Variants in R3HDM2 observed in about 807,000 individuals in gnomAD.
R3HDM2 encodes R3H domain containing 2.
Under a neutral mutation model 124.5 loss-of-function variants are expected in R3HDM2, and 38 were observed. The observed-to-expected ratio is 0.31, with a 90% CI of 0.24 to 0.40. The LOEUF (loss-of-function observed/expected upper bound fraction) is 0.40. Among genes scored for constraint, R3HDM2 ranks in the 10% least tolerant of loss-of-function variants. The pLI, the probability that R3HDM2 is intolerant of heterozygous loss-of-function variation, is 1.00. For synonymous variants in R3HDM2, 391 were observed against 448.0 expected, an observed-to-expected ratio of 0.87 and a Z score of 1.61; for missense variants, 869 against 1,236.9, an observed-to-expected ratio of 0.70 and a Z score of 4.46.
intron 3 of R3HDM2, among the ~76,000 whole-genome samples, chr12:57,309,189 A>C (rs1454314123): frequency 6.6e-6 from 1 of 152,252 alleles, no homozygotes; most frequent in African/African-American, 2.4e-5. Context: ...TTATGCTTCA[A>C]GTTTCCAGAC....
intron 2 of R3HDM2, among the ~76,000 whole-genome samples, chr12:57,386,030 A>G (rs774001090): frequency 6.6e-5 from 10 of 152,226 alleles, no homozygotes; most frequent in Non-Finnish European, 1.2e-4. Context: ...AAAAATAATT[A>G]CAAAAATAAA....
At chr12:57,288,536 T>C (rs1281067987) in intron 12 of R3HDM2, among the ~76,000 whole-genome samples, 1 of 152,122 alleles carries the variant, frequency 6.6e-6, no homozygotes, top group Non-Finnish European at 1.5e-5. Context: ...TTTTACCTTA[T>C]CATAAATATG....
chr12:57,280,427 C>G lies in R3HDM2; in HGVS notation c.1275G>C (p.Gln425His). The G allele has an allele frequency of 1.9e-6, 3 of 1,613,734 alleles. No homozygotes were observed. The highest frequency in any genetic ancestry group is 2.5e-6 in the Non-Finnish European group (3 of 1,179,770). The change falls in exon 14 of 24, where the codon CAG (glutamine) becomes CAC (histidine). Residue 425 changes from glutamine (Q) to histidine (H), a missense_variant. By Grantham distance (24) the Gln-to-His change is conservative (BLOSUM62 0). Transcript: ENST00000402412. Reference protein sequence around the residue: ...CTAQQQQQQQQQQLPALPPTP... With the variant: ...CTAQQQQQQQHQQLPALPPTP... ...TGGGTGGGAGAGCAGGAAGTTGCTG[C>G]TGCTGCTGCTGCTGTTGCTGCTGGG...
intron 1 of R3HDM2, among the ~76,000 whole-genome samples, chr12:57,398,192 C>T (rs1169376154): frequency 6.8e-6 from 1 of 147,986 alleles, no homozygotes; most frequent in South Asian, 2.1e-4. Flanking sequence ...GGCAAAAGAG[C>T]GAGACTCTGC....
chr12:57,277,282 C>T (rs2045055464), intron 14 of R3HDM2, among the ~76,000 whole-genome samples: 1 of 151,864 alleles, frequency 6.6e-6, no homozygotes, highest in African/African-American at 2.4e-5. Context: ...TCAGCCTCAC[C>T]CCTGGTTTCA....
chr12:57,306,484 C>T (rs2052604931), intron 3 of R3HDM2, among the ~76,000 whole-genome samples: 1 of 151,702 alleles, frequency 6.6e-6, no homozygotes. Context: ...TCTCGGCTCA[C>T]TGCAACCTCC....
chr12:57,348,462 G>T (rs988447996), intron 2 of R3HDM2, among the ~76,000 whole-genome samples: 2 of 152,056 alleles, frequency 1.3e-5, no homozygotes, highest in Admixed American at 1.3e-4. Context: ...GGGAGGCCAA[G>T]GCAGGTGAAT....
rs1471268716 is a variant in R3HDM2, at chr12:57,298,064, T to C, written c.500+26A>G. 7 of 1,513,264 alleles carry C rather than the reference T, an allele frequency of 4.6e-6. No individual in the cohort carries two copies. In the Admixed American group the frequency reaches 1.2e-4, roughly 26 times the overall value. 93.7% of individuals were successfully genotyped at this position (1,513,264 alleles called of 1,614,324 possible). On this transcript the variant is annotated intron_variant, in intron 7 of 23. Transcript: ENST00000402412. ...AATCTTGCTATCCCCTAACCCCTTT[T>C]CCTCTTATACCCATCATGTTATTAC...
chr12:57,377,122 GA>G lies in R3HDM2; in HGVS notation c.-36+18626del, dbSNP rs35453025. Among the ~76,000 whole-genome samples, 142 of 131,762 alleles carry G rather than the reference GA, an allele frequency of 1.1e-3. 1 individual carries two copies. The highest frequency in any genetic ancestry group is 2.5e-3 in the Admixed American group (33 of 13,038). The allele number at this position is 131,762 out of a possible 152,430, so 86.4% of individuals were successfully genotyped here. A position where few individuals can be genotyped will look rare whatever the true frequency, so the allele number is the denominator to read the frequency against. On this transcript the variant is annotated intron_variant, in intron 2 of 23. Transcript: ENST00000402412. ...AATAAATAAAAGAGACTTGGTCTCA[GA>G]AAAAAAAAAAAAATTAAAAATATGG...
At chr12:57,330,282 A>G (rs1474702871) in intron 2 of R3HDM2, among the ~76,000 whole-genome samples, 1 of 150,938 alleles carries the variant, frequency 6.6e-6, no homozygotes, top group Non-Finnish European at 1.5e-5. Context: ...TTCATTATTA[A>G]TGTACAGAAA....
chr12:57,307,916 A>G (rs2053056117), intron 3 of R3HDM2, among the ~76,000 whole-genome samples: 1 of 152,090 alleles, frequency 6.6e-6, no homozygotes, highest in Non-Finnish European at 1.5e-5. Context: ...AATACTTTGC[A>G]AAAGGAACAA....
intron 2 of R3HDM2, among the ~76,000 whole-genome samples, chr12:57,367,133 ACTCAATG>A (rs2062763197): frequency 1.3e-5 from 2 of 152,154 alleles, no homozygotes; most frequent in African/African-American, 2.4e-5. Flanking sequence ...TAAGGACTCT[ACTCAATG>A]TCCCAGGTGT....
intron 22 of R3HDM2, 118 bp from the exon 23 acceptor site, chr12:57,256,192 G>T (rs751594491): frequency 1.9e-6 from 2 of 1,077,866 alleles, no homozygotes; most frequent in Non-Finnish European, 2.8e-6. Flanking sequence ...ACCCCACTAG[G>T]CAGTCAGGTT....
chr12:57,403,221 T>C (rs899125585), intron 1 of R3HDM2, among the ~76,000 whole-genome samples: 3 of 152,076 alleles, frequency 2.0e-5, no homozygotes, highest in African/African-American at 7.2e-5. Flanking sequence ...TGCCGGGTGC[T>C]GGTGGCTCAC....
chr12:57,383,351 T>C (rs1382597913), intron 2 of R3HDM2, among the ~76,000 whole-genome samples: 1 of 152,146 alleles, frequency 6.6e-6, no homozygotes. Context: ...TTTTGTGTTA[T>C]TATTAAGTCT....
At chr12:57,401,753 G>A (rs1385262161) in intron 1 of R3HDM2, among the ~76,000 whole-genome samples, 1 of 152,170 alleles carries the variant, frequency 6.6e-6, no homozygotes, top group Non-Finnish European at 1.5e-5. Flanking sequence ...GGAGGCCAAG[G>A]TAGGTGGATC....
intron 16 of R3HDM2, 106 bp from the exon 17 acceptor site, chr12:57,269,188 G>A: frequency 6.5e-7 from 1 of 1,548,170 alleles, no homozygotes; most frequent in African/African-American, 1.4e-5. Flanking sequence ...TTTCTGGAGA[G>A]CATAGGTCTG....
intron 6 of R3HDM2, among the ~76,000 whole-genome samples, chr12:57,299,091 C>T (rs1187909354): frequency 6.6e-6 from 1 of 152,208 alleles, no homozygotes; most frequent in East Asian, 1.9e-4. Context: ...TTCCAGAGCA[C>T]AAGTAAAATC....
chr12:57,305,819 T>C (rs1212244155), intron 3 of R3HDM2, among the ~76,000 whole-genome samples: 1 of 152,268 alleles, frequency 6.6e-6, no homozygotes, highest in Non-Finnish European at 1.5e-5. Context: ...GCCTGCTATG[T>C]GCAAGGCACT....
Sources: allele counts gnomAD v4.1 joint callset (sites outside exome capture counted in the v4.1 genomes callset), GRCh38; gene constraint gnomAD v4.1.1; transcripts MANE v1.5; gene names NCBI Gene and HGNC (gene_info 2026-07-23, HGNC 2026-07-21).